The following UBR4 variants were observed in gnomAD, a reference collection of about 807,000 sequenced individuals.
UBR4 encodes E3 ubiquitin-protein ligase UBR4.
A neutral mutation model predicts 575.6 loss-of-function variants in UBR4; 124 were observed. The ratio of observed to expected loss-of-function variants is 0.22; its 90% CI spans 0.19 to 0.25. The LOEUF is 0.25. UBR4 is among the 10% of genes least tolerant of loss of function. The pLI is 1.00. For synonymous variants in UBR4, 2,455 were observed against 2,473.7 expected (o/e 0.99, Z 0.22); for missense variants, 4,818 against 6,478.8 (o/e 0.74, Z 8.80).
At chr1:19,150,210 G>A (rs567734615) in intron 49 of UBR4, among the ~76,000 whole-genome samples, 3 of 152,210 alleles carry the variant, frequency 2.0e-5, no homozygotes, top group East Asian at 3.9e-4. Context: ...AAAAGATGAT[G>A]AGCTCAGAAT....
At chr1:19,161,985 G>A (rs562179410) in intron 35 of UBR4, 88 bp from the exon 36 acceptor site, 29 of 1,458,942 alleles carry the variant, frequency 2.0e-5, no homozygotes, top group South Asian at 9.6e-5. Context: ...GCCCTATGGC[G>A]GGGTGAATAG....
rs767085616 is a variant in UBR4 at position 19,092,883 on chromosome 1, C to A, written c.14147G>T (p.Arg4716Leu). 6.2e-7 allele frequency: 1 copy of A among 1,613,388 alleles called. No individual in the cohort carries two copies. The highest frequency in any genetic ancestry group is 1.1e-5 in the South Asian group (1 of 90,744). The part of the protein sequence containing the change: ...DADIWKKFLS[R>L]PALPFILRLL... ...CCTTAGGATAAATGGCAAGGCTGGG[C>A]GAGACAAAAACTTTTTCCAGATGTC... is the stretch of plus-strand genomic sequence containing the variant. Residue 4716 changes from arginine to leucine, a missense_variant, in exon 97 of 106, where the codon CGC becomes CTC. Coordinates refer to ENST00000375254, the MANE Select transcript of UBR4 (RefSeq NM_020765.3).
chr1:19,162,003 G>A (rs1245113586), intron 35 of UBR4, 106 bp from the exon 36 acceptor site: 35 of 1,241,006 alleles, frequency 2.8e-5, no homozygotes, highest in Non-Finnish European at 3.8e-5. Context: ...TAGTTGACTC[G>A]CAAATGACCC....
chr1:19,133,178 A>G (rs2082736259), intron 60 of UBR4, among the ~76,000 whole-genome samples: 2 of 152,224 alleles, frequency 1.3e-5, no homozygotes, highest in Admixed American at 6.5e-5. Flanking sequence ...GCCTAAACTA[A>G]AAATTAGCAA....
intron 94 of UBR4, 52 bp from the exon 95 acceptor site, chr1:19,094,191 T>A: frequency 1.3e-6 from 2 of 1,482,322 alleles, no homozygotes; most frequent in Non-Finnish European, 1.8e-6. Context: ...GGACTGTGGC[T>A]GCAGCCAACA....
rs1297258910 is a variant in UBR4 at position 19,192,268 on chromosome 1, T to C, written c.1314A>G (p.Pro438=). The C allele has an allele frequency of 6.2e-7, 1 of 1,614,212 alleles. No homozygotes were observed. Among genetic ancestry groups the C allele is most frequent in the East Asian group, 2.2e-5 (1 of 44,888 alleles). ...TGTCTCTGACTCGGAGGGCAGCCAG[T>C]GGGTCCTTCTCTTTCCCCTTATCAG... The part of the protein sequence containing the change: ...ALADKGKEKD[P]LAALRVRDIL... The change falls in exon 11 of 106, where the codon CCA becomes CCG. Residue 438 remains proline, a synonymous_variant. Transcript: ENST00000375254.
In UBR4 at chr1:19,095,650, C is replaced by A; in HGVS notation, c.13521G>T (p.Val4507=). 6.2e-7 allele frequency: 1 copy of A among 1,613,920 alleles called. No homozygotes were observed. Among genetic ancestry groups the A allele is most frequent in the East Asian group, 2.2e-5 (1 of 44,870 alleles). The change falls in exon 93 of 106, where the codon GTG becomes GTT. Residue 4507 remains valine (V), a splice_region_variant and synonymous_variant. Coordinates refer to ENST00000375254, the MANE Select transcript of UBR4 (RefSeq NM_020765.3). ...CGCAGTAACTGAACAATTTCAGTAG[C>A]ACCTGACAAGAAAAGCCAGTCAAAA... ...DFKQGRHLLT[V]LLKLFSYCVK... is the part of the protein sequence containing the mutation.
intron 29 of UBR4, among the ~76,000 whole-genome samples, chr1:19,166,083 A>T (rs551137500): frequency 2.6e-5 from 4 of 152,234 alleles, no homozygotes; most frequent in Non-Finnish European, 4.4e-5. Context: ...ACACAGCTAA[A>T]AGTGTCTGAA....
chr1:19,121,905 C>A, intron 67 of UBR4, 29 bp downstream of exon 67: 1 of 1,613,124 alleles, frequency 6.2e-7, no homozygotes, highest in Non-Finnish European at 8.5e-7. Context: ...GAATGAATAA[C>A]AGCAATCAAA....
In UBR4 at chr1:19,121,174, G is replaced by A. The variant is rs2081134269; in HGVS notation, c.10141+15C>T. On this transcript the variant is annotated intron_variant, in intron 68 of 105. Coordinates refer to ENST00000375254, the MANE Select transcript of UBR4 (RefSeq NM_020765.3). ...TACATCATTGTAGTCACAATGACAA[G>A]AGGGTGACCCTTACCATCTTTCTCC... The A allele has an allele frequency of 1.9e-6, 3 of 1,612,018 alleles. No homozygotes were observed. Among genetic ancestry groups the A allele is most frequent in the East Asian group, 2.2e-5 (1 of 44,862 alleles).
In UBR4 at chr1:19,119,542, T is replaced by C. The variant is rs1295436146; in HGVS notation, c.10455+15A>G. 1.2e-6 allele frequency: 2 copies of C among 1,608,762 alleles called. No individual in the cohort carries two copies. Among genetic ancestry groups the C allele is most frequent in the Non-Finnish European group, 1.7e-6 (2 of 1,175,606 alleles). ...TATGGCAAGTTGGCCCCTCTGACCA[T>C]AAAGCAACTGTTACCTTCTTCTCTG... On this transcript the variant is annotated intron_variant, in intron 70 of 105. Coordinates refer to ENST00000375254, the MANE Select transcript of UBR4 (RefSeq NM_020765.3).
At position 19,105,208 on chromosome 1, in the gene UBR4, G is replaced by A; in HGVS notation, c.12504-19C>T. The A allele has an allele frequency of 6.2e-7, 1 of 1,604,622 alleles. No individual in the cohort carries two copies. On this transcript the variant is annotated intron_variant, in intron 84 of 105. Transcript: ENST00000375254. ...CAGGTAACTGCCACCAAGAGGGACAGGGCACTCTAGTCAAGAACTCTAGCA... is the reference window on the plus strand; with the variant it reads ...CAGGTAACTGCCACCAAGAGGGACAAGGCACTCTAGTCAAGAACTCTAGCA...
chr1:19,095,599 T>C lies in UBR4; in HGVS notation c.13572A>G (p.Gln4524=). 1.9e-6 allele frequency: 3 copies of C among 1,614,154 alleles called. No individual in the cohort carries two copies. The highest frequency in any genetic ancestry group is 1.7e-6 in the Non-Finnish European group (2 of 1,180,008). Residue 4524 remains glutamine (Q), a synonymous_variant, in exon 93 of 106, where the codon CAA becomes CAG. Coordinates refer to ENST00000375254, the MANE Select transcript of UBR4 (RefSeq NM_020765.3). ...AGGTGTTCATTTCCAGTTTGACCAG[T>C]TGCTGCCGGTTGACTTTCACCTTCA... ...YCVKVKVNRQ[Q]LVKLEMNTLN...
At chr1:19,094,670 A>C (rs1180665647) in intron 94 of UBR4, among the ~76,000 whole-genome samples, 1 of 152,248 alleles carries the variant, frequency 6.6e-6, no homozygotes, top group Non-Finnish European at 1.5e-5. Flanking sequence ...CCAGGATTCC[A>C]TTAACGAGCA....
intron 60 of UBR4, among the ~76,000 whole-genome samples, chr1:19,132,388 A>G (rs2082588453): frequency 1.3e-5 from 2 of 151,790 alleles, no homozygotes; most frequent in Admixed American, 1.3e-4. Flanking sequence ...TGCTATGTTG[A>G]GCAGGCTGGT....
chr1:19,164,516 A>C, intron 32 of UBR4, 75 bp from the exon 33 acceptor site: 1 of 1,460,842 alleles, frequency 6.8e-7, no homozygotes, highest in Non-Finnish European at 9.3e-7. Context: ...GGAAGTTTTA[A>C]ATTAAACATT....
In UBR4 at chr1:19,157,324, G is replaced by A. The variant is rs954334127; in HGVS notation, c.5761-399C>T. ...GTGGTGATGGAGAGGCCAGAATACA[G>A]AAAAGTGTGAGTTAAGATACCTAGC... is the stretch of plus-strand genomic sequence containing the variant. On this transcript the variant is annotated intron_variant, in intron 40 of 105. Transcript: ENST00000375254. This position sits in a 1 kb window ranked among gnomAD's most constrained non-coding sequence, Gnocchi z 4.4. Among the ~76,000 whole-genome samples the A allele has an allele frequency of 6.6e-6, 1 of 152,224 alleles. No homozygotes were observed. Among genetic ancestry groups the A allele is most frequent in the African/African-American group, 2.4e-5 (1 of 41,470 alleles).
At chr1:19,165,826 T>TA in intron 29 of UBR4, 69 bp from the exon 30 acceptor site, 3 of 1,354,298 alleles carry the variant, frequency 2.2e-6, no homozygotes. Flanking sequence ...TATGGTGATT[T>TA]ATTAAAATCC....
At position 19,095,625 on chromosome 1, in the gene UBR4, C is replaced by T. The variant is rs1350978852; in HGVS notation, c.13546G>A (p.Val4516Met). The T allele has an allele frequency of 4.3e-6, 7 of 1,614,078 alleles. No homozygotes were observed. Among genetic ancestry groups the T allele is most frequent in the Middle Eastern group, 1.7e-4 (1 of 6,052 alleles). Residue 4516 changes from valine to methionine, a missense_variant, in exon 93 of 106, where the codon GTG becomes ATG. By Grantham distance (21) the Val-to-Met change is conservative. This residue lies in a region of UBR4 where 165 missense variants were observed against 282.3 expected (regional missense o/e 0.58). Transcript: ENST00000375254. ...TGCTGCCGGTTGACTTTCACCTTCA[C>T]GCAGTAACTGAACAATTTCAGTAGC... ...TVLLKLFSYCVKVKVNRQQLV... is the reference protein window; with the variant it reads ...TVLLKLFSYCMKVKVNRQQLV...
Sources: gnomAD v4.1 joint callset for allele counts (sites outside exome capture counted in the v4.1 genomes callset) on GRCh38, gnomAD v4.1.1 for gene constraint, gnomAD v4.1.1 regional missense constraint, Gnocchi (gnomAD v3.1) non-coding constraint, MANE v1.5 for transcripts, NCBI Gene and HGNC (gene_info 2026-07-23, HGNC 2026-07-21) for gene names.